PCDH15: variants seen among roughly 807,000 people sequenced by gnomAD.
PCDH15 encodes the protein protocadherin-15.
Under a neutral mutation model 178.5 loss-of-function variants are expected in PCDH15, and 129 were observed. That is an observed-to-expected ratio of 0.72 (90% CI 0.63 to 0.84). The LOEUF (loss-of-function observed/expected upper bound fraction) is 0.84. PCDH15 is among the 40% of genes least tolerant of loss of function. The probability of loss-of-function intolerance (pLI) is 0.00; values close to 1 mark genes in which losing one functional copy is unlikely to be tolerated. For synonymous variants in PCDH15, 800 were observed against 732.0 expected (o/e 1.09, Z -1.50); for missense variants, 2,230 against 2,099.9 (o/e 1.06, Z -1.21).
intron 3 of PCDH15, among the ~76,000 whole-genome samples, chr10:54,821,703 A>G (rs1450371948): frequency 6.6e-6 from 1 of 152,094 alleles, no homozygotes; most frequent in Non-Finnish European, 1.5e-5. Context: ...TCTGGCTACT[A>G]TGAATTATCT....
At chr10:55,463,220 A>C (rs1344964511) in intron 2 of PCDH15, among the ~76,000 whole-genome samples, 3 of 152,154 alleles carry the variant, frequency 2.0e-5, no homozygotes, top group African/African-American at 7.2e-5. Context: ...GAACAATATG[A>C]ATAAAGCAAT....
chr10:53,875,485 C>T (rs1209731274), intron 26 of PCDH15, among the ~76,000 whole-genome samples: 2 of 151,924 alleles, frequency 1.3e-5, no homozygotes, highest in Non-Finnish European at 2.9e-5. Context: ...TATGATATTA[C>T]TTTTTCCACC....
At chr10:54,039,476 T>C (rs1395306660) in intron 18 of PCDH15, among the ~76,000 whole-genome samples, 1 of 151,908 alleles carries the variant, frequency 6.6e-6, no homozygotes, top group East Asian at 1.9e-4. Context: ...TACAGAGAAT[T>C]GTCAGTGGGT....
intron 2 of PCDH15, among the ~76,000 whole-genome samples, chr10:55,043,546 A>G (rs1381952594): frequency 1.3e-5 from 2 of 151,694 alleles, no homozygotes; most frequent in Admixed American, 6.6e-5. Context: ...CCGTCTCTAT[A>G]AAAAATAAAA....
chr10:55,542,427 T>C (rs1194601492), intron 2 of PCDH15, among the ~76,000 whole-genome samples: 9 of 151,096 alleles, frequency 6.0e-5, no homozygotes, highest in African/African-American at 1.9e-4. Flanking sequence ...ATGTACAGTA[T>C]GTCTACAGTA....
chr10:54,770,219 C>T (rs893676649), intron 1 of PCDH15, among the ~76,000 whole-genome samples: 1 of 152,102 alleles, frequency 6.6e-6, no homozygotes, highest in Non-Finnish European at 1.5e-5. Flanking sequence ...AATGAGTTAA[C>T]TGATTCTGTT....
intron 2 of PCDH15, among the ~76,000 whole-genome samples, chr10:55,608,264 G>A (rs1350217277): frequency 6.6e-6 from 1 of 150,460 alleles, no homozygotes; most frequent in Non-Finnish European, 1.5e-5. Context: ...GGATGGAAGA[G>A]ACAGGGAAGA....
In PCDH15 at chr10:54,560,483, GT is replaced by G. The variant is rs566320282; in HGVS notation, c.92-32607del. ...ACTCATTAAAAGAATGCTACAAGGA[GT>G]TTTTTTTATGTACAACACTTTGTGA... is the stretch of plus-strand genomic sequence containing the variant. On this transcript the variant is annotated intron_variant, in intron 2 of 37. Transcript: ENST00000644397. Among the ~76,000 whole-genome samples the G allele has an allele frequency of 4.0e-5, 6 of 151,756 alleles. No homozygotes were observed. In the South Asian group the frequency reaches 1.2e-3, roughly 31 times the overall value.
chr10:54,189,085 CT>C (rs763762182), intron 11 of PCDH15, among the ~76,000 whole-genome samples: 1 of 151,916 alleles, frequency 6.6e-6, no homozygotes, highest in Non-Finnish European at 1.5e-5. Flanking sequence ...ATTAAGCAGT[CT>C]TTGCCTCAGT....
chr10:55,579,698 C>T (rs973558075), intron 2 of PCDH15, among the ~76,000 whole-genome samples: 4 of 152,076 alleles, frequency 2.6e-5, no homozygotes, highest in Admixed American at 6.6e-5. Flanking sequence ...TGGCAGCAAA[C>T]ATTATGCTAG....
intron 15 of PCDH15, among the ~76,000 whole-genome samples, chr10:54,119,448 A>T (rs1383821618): frequency 6.6e-6 from 1 of 152,132 alleles, no homozygotes; most frequent in African/African-American, 2.4e-5. Context: ...AAAATAAAGA[A>T]AAAAGAATTT....
chr10:55,134,784 G>A (rs1372175687), intron 2 of PCDH15, among the ~76,000 whole-genome samples: 2 of 152,132 alleles, frequency 1.3e-5, no homozygotes, highest in Non-Finnish European at 2.9e-5. Flanking sequence ...AGCAGCGATT[G>A]AGTGTTTATG....
chr10:54,419,044 T>G (rs1291090923), intron 3 of PCDH15, among the ~76,000 whole-genome samples: 1 of 152,010 alleles, frequency 6.6e-6, no homozygotes, highest in African/African-American at 2.4e-5. Context: ...TTATAGTAGT[T>G]ATTTTATCTA....
chr10:54,067,006 C>T, intron 17 of PCDH15, 121 bp from the exon 18 acceptor site: 1 of 845,304 alleles, frequency 1.2e-6, no homozygotes, highest in Non-Finnish European at 1.7e-6. Flanking sequence ...TAATCCTTAG[C>T]TTTCCAAAAA....
At chr10:54,354,218 C>T (rs547681788) in intron 5 of PCDH15, among the ~76,000 whole-genome samples, 84 of 152,296 alleles carry the variant, frequency 5.5e-4, no homozygotes, top group Non-Finnish European at 1.0e-3. Context: ...CTCCCGACCT[C>T]AGGTGATCCG....
chr10:54,113,084 T>C (rs1279759426), intron 15 of PCDH15, among the ~76,000 whole-genome samples: 1 of 152,162 alleles, frequency 6.6e-6, no homozygotes, highest in African/African-American at 2.4e-5. Flanking sequence ...AAAGCAGTTT[T>C]AGGAGCTGAC....
At chr10:54,782,635 G>C (rs763043579) in intron 1 of PCDH15, among the ~76,000 whole-genome samples, 6 of 151,948 alleles carry the variant, frequency 3.9e-5, no homozygotes, top group Non-Finnish European at 8.8e-5. Context: ...TAATCCAAAA[G>C]AGAACCCCCA....
rs76658164 is a variant in PCDH15 at position 55,120,277 on chromosome 10, T to C, written c.-80+46299A>G. ...TGACATCAGGAAGAGGGAAGAAAGATGAGACCTGGTGTGAAGGAAGACAGA... is the reference window on the plus strand; with the variant it reads ...TGACATCAGGAAGAGGGAAGAAAGACGAGACCTGGTGTGAAGGAAGACAGA... On this transcript the variant is annotated intron_variant, in intron 2 of 5. Coordinates refer to the PCDH15 transcript ENST00000458638. Among the ~76,000 whole-genome samples the C allele has an allele frequency of 4.6e-3, 701 of 152,290 alleles. 2 individuals are homozygous for C. Among genetic ancestry groups the C allele is most frequent in the African/African-American group, 0.016 (658 of 41,560 alleles).
chr10:54,789,791 A>C (rs1819654085), intron 1 of PCDH15, among the ~76,000 whole-genome samples: 1 of 151,952 alleles, frequency 6.6e-6, no homozygotes, highest in African/African-American at 2.4e-5. Context: ...ATTTGTAAAA[A>C]GTATTAAACC....
Sources: allele counts gnomAD v4.1 joint callset (sites outside exome capture counted in the v4.1 genomes callset), GRCh38; gene constraint gnomAD v4.1.1; transcripts MANE v1.5; gene names NCBI Gene and HGNC (gene_info 2026-07-23, HGNC 2026-07-21).